The following AFAP1 variants were observed in gnomAD, a reference collection of about 807,000 sequenced individuals.
The protein encoded by AFAP1 is actin filament associated protein 1, also known as actin filament-associated protein 1.
Under a neutral mutation model 93.9 loss-of-function variants are expected in AFAP1, and 75 were observed. The ratio of observed to expected loss-of-function variants is 0.80; its 90% CI spans 0.66 to 0.97. The LOEUF (loss-of-function observed/expected upper bound fraction) is 0.97, where lower values mean the gene tolerates loss of function less well. Among genes scored for constraint, AFAP1 ranks in the 50% least tolerant of loss-of-function variants. The pLI is 0.00. For synonymous variants in AFAP1, 517 were observed against 430.7 expected (o/e 1.20, Z -2.48); for missense variants, 1,201 against 1,050.8 (o/e 1.14, Z -1.98).
intron 6 of AFAP1, among the ~76,000 whole-genome samples, chr4:7,824,148 G>A (rs996416453): frequency 1.3e-5 from 2 of 152,090 alleles, no homozygotes; most frequent in African/African-American, 4.8e-5. Context: ...TATAAATGAG[G>A]CTTCTATTAA....
At chr4:7,840,179 A>G (rs73795054) in intron 5 of AFAP1, among the ~76,000 whole-genome samples, 1,629 of 152,216 alleles carry the variant, frequency 0.011, 31 homozygotes, top group African/African-American at 0.037. Context: ...TCTTGACTCT[A>G]AACATTCACT....
chr4:7,869,711 G>A (rs1343560669), intron 2 of AFAP1, among the ~76,000 whole-genome samples: 1 of 152,124 alleles, frequency 6.6e-6, no homozygotes, highest in Non-Finnish European at 1.5e-5. Context: ...CACCTATAAT[G>A]GGTCCAGTAC....
chr4:7,912,731 T>C (rs1577354285), intron 1 of AFAP1, among the ~76,000 whole-genome samples: 1 of 152,228 alleles, frequency 6.6e-6, no homozygotes, highest in Admixed American at 6.5e-5. Flanking sequence ...GTAGCTCCTC[T>C]TTTCATCTTT....
chr4:7,877,852 G>A (rs1717603200), intron 1 of AFAP1, among the ~76,000 whole-genome samples: 1 of 152,198 alleles, frequency 6.6e-6, no homozygotes, highest in Non-Finnish European at 1.5e-5. Flanking sequence ...AGACTACAGA[G>A]TAACCTTAGA....
chr4:7,798,972 G>T (rs756255), intron 10 of AFAP1: 164,731 of 986,138 alleles, frequency 0.17, 14,596 homozygotes, highest in African/African-American at 0.31. Context: ...TGGGAGACCC[G>T]CATTGTTACA....
At chr4:7,928,618 C>A (rs143310928) in intron 1 of AFAP1, among the ~76,000 whole-genome samples, 1 of 152,208 alleles carries the variant, frequency 6.6e-6, no homozygotes, top group Non-Finnish European at 1.5e-5. Context: ...AAACTCCTGA[C>A]CTCATGATTC....
intron 1 of AFAP1, among the ~76,000 whole-genome samples, chr4:7,932,720 G>C (rs1165640944): frequency 1.3e-5 from 2 of 152,138 alleles, no homozygotes; most frequent in Non-Finnish European, 2.9e-5. Context: ...CAGAGGAACA[G>C]ATTTTCCATT....
intron 1 of AFAP1, among the ~76,000 whole-genome samples, chr4:7,936,861 G>C (rs540889486): frequency 6.6e-6 from 1 of 152,086 alleles, no homozygotes; most frequent in Admixed American, 6.5e-5. Context: ...GATTACAGGC[G>C]TGAGCCACCA....
In AFAP1 at chr4:7,901,688, C is replaced by T. The variant is rs7699336; in HGVS notation, c.-2-29608G>A. ...ACGGAAAGGAATGCGCCTCCCTGTA[C>T]ACACACTCGGATTTTATGAAGATGT... On this transcript the variant is annotated intron_variant, in intron 1 of 17. Coordinates refer to ENST00000420658, the MANE Select transcript of AFAP1 (RefSeq NM_001134647.2). Among the ~76,000 whole-genome samples the T allele has an allele frequency of 6.3e-3, 962 of 152,326 alleles. 7 individuals carry two copies. Among genetic ancestry groups the T allele is most frequent in the African/African-American group, 0.02 (852 of 41,570 alleles).
At chr4:7,838,969 A>C (rs4296679) in intron 5 of AFAP1, among the ~76,000 whole-genome samples, 94,841 of 152,068 alleles carry the variant, frequency 0.62, 29,801 homozygotes, top group Admixed American at 0.7. Flanking sequence ...ACAAACACCA[A>C]AAGTCCCTAC....
chr4:7,905,819 C>G (rs1221515976), intron 1 of AFAP1, among the ~76,000 whole-genome samples: 1 of 152,206 alleles, frequency 6.6e-6, no homozygotes, highest in Non-Finnish European at 1.5e-5. Context: ...GCATCCATAC[C>G]CCGTCCCATT....
chr4:7,814,746 G>C (rs1720326786), intron 8 of AFAP1, among the ~76,000 whole-genome samples: 1 of 152,226 alleles, frequency 6.6e-6, no homozygotes, highest in African/African-American at 2.4e-5. Context: ...CCAGGGCCTC[G>C]GGTAGAGGCA....
At chr4:7,846,813 A>G (rs940456502) in intron 4 of AFAP1, among the ~76,000 whole-genome samples, 3 of 152,238 alleles carry the variant, frequency 2.0e-5, no homozygotes, top group South Asian at 2.1e-4. Context: ...GATGGGGCAC[A>G]TAAGACATTA....
chr4:7,794,955 CTA>C (rs1197787865), intron 10 of AFAP1, among the ~76,000 whole-genome samples: 2 of 151,400 alleles, frequency 1.3e-5, no homozygotes, highest in Non-Finnish European at 2.9e-5. Flanking sequence ...GCTATCAAAT[CTA>C]TGAGTTAACT....
At chr4:7,833,276 T>C (rs373077136) in intron 6 of AFAP1, among the ~76,000 whole-genome samples, 1 of 152,130 alleles carries the variant, frequency 6.6e-6, no homozygotes, top group Admixed American at 6.5e-5. Context: ...ATATCCAGAA[T>C]CTACAACGAA....
chr4:7,851,264 C>A (rs778216760), intron 4 of AFAP1, among the ~76,000 whole-genome samples: 2 of 152,170 alleles, frequency 1.3e-5, no homozygotes, highest in African/African-American at 2.4e-5. Flanking sequence ...GGCCCACAGT[C>A]TCTCTGACCC....
chr4:7,773,793 C>T (rs10026941), intron 15 of AFAP1: 70,182 of 152,498 alleles, frequency 0.46, 18,288 homozygotes, highest in East Asian at 0.72. Flanking sequence ...AGGGTCAGCC[C>T]GACCTGCCCT....
chr4:7,879,722 G>C (rs55957954), intron 1 of AFAP1, among the ~76,000 whole-genome samples: 1 of 120,562 alleles, frequency 8.3e-6, no homozygotes, highest in East Asian at 2.3e-4. Context: ...TTTTTTGTGA[G>C]ACAGGGTCTC....
chr4:7,865,941 G>A (rs1322152234), intron 3 of AFAP1, among the ~76,000 whole-genome samples: 2 of 152,234 alleles, frequency 1.3e-5, no homozygotes, highest in Non-Finnish European at 2.9e-5. Flanking sequence ...TTGTTACGCA[G>A]GCTGGAGTGC....
Sources: allele counts gnomAD v4.1 joint callset (sites outside exome capture counted in the v4.1 genomes callset), GRCh38; gene constraint gnomAD v4.1.1; transcripts MANE v1.5; gene names NCBI Gene and HGNC (gene_info 2026-07-23, HGNC 2026-07-21).